CABIN1: variants seen among roughly 807,000 people sequenced by gnomAD.
The protein encoded by CABIN1 is calcineurin binding protein 1.
Under a neutral mutation model 227.7 loss-of-function variants are expected in CABIN1, and 133 were observed. The observed-to-expected ratio is 0.58, with a 90% CI of 0.51 to 0.67. CABIN1 has a LOEUF of 0.67. Among genes scored for constraint, CABIN1 ranks in the 30% least tolerant of loss-of-function variants. The pLI is 0.00. For missense variants in CABIN1, 2,408 were observed against 2,852.5 expected (o/e 0.84, Z 3.55); for synonymous variants, 1,086 against 1,155.1 (o/e 0.94, Z 1.21).
chr22:24,084,830 A>G, intron 21 of CABIN1, 45 bp downstream of exon 21: 2 of 1,593,878 alleles, frequency 1.3e-6, no homozygotes, highest in Non-Finnish European at 8.6e-7. Context: ...GCTGGGTCAC[A>G]CTCTTCCGCT....
intron 7 of CABIN1, 56 bp from the exon 8 acceptor site, chr22:24,050,769 C>T (rs995863128): frequency 6.8e-6 from 11 of 1,605,872 alleles, no homozygotes; most frequent in Middle Eastern, 1.7e-4. Flanking sequence ...TGTAAAATTT[C>T]AGCCTCAGTT....
intron 29 of CABIN1, chr22:24,155,879 G>A (rs1454239630): frequency 1.1e-5 from 5 of 436,298 alleles, no homozygotes; most frequent in Non-Finnish European, 2.0e-5. Context: ...CCAGCGGCCA[G>A]TCCAGGGAAC....
intron 1 of CABIN1, among the ~76,000 whole-genome samples, chr22:24,015,949 C>T (rs548097028): frequency 4.6e-5 from 7 of 152,252 alleles, no homozygotes; most frequent in South Asian, 2.1e-4. Flanking sequence ...CAGGGCGAGA[C>T]CCGGTCTCAA....
intron 29 of CABIN1, among the ~76,000 whole-genome samples, chr22:24,148,165 G>T (rs2148437814): frequency 6.6e-6 from 1 of 152,262 alleles, no homozygotes; most frequent in South Asian, 2.1e-4. Flanking sequence ...AGCACTGGGT[G>T]CTCACTCCAC....
At chr22:24,077,765 C>G (rs2040541212) in intron 19 of CABIN1, among the ~76,000 whole-genome samples, 1 of 152,160 alleles carries the variant, frequency 6.6e-6, no homozygotes, top group Non-Finnish European at 1.5e-5. Flanking sequence ...CCTCCTTATG[C>G]TGATTGGGAA....
intron 1 of CABIN1, among the ~76,000 whole-genome samples, chr22:24,026,909 A>C (rs2036134169): frequency 1.3e-5 from 2 of 152,230 alleles, no homozygotes. Context: ...CTTATCTATA[A>C]TTACAAACAG....
At chr22:24,029,692 A>G (rs1294602726) in intron 1 of CABIN1, among the ~76,000 whole-genome samples, 1 of 152,242 alleles carries the variant, frequency 6.6e-6, no homozygotes, top group Non-Finnish European at 1.5e-5. Context: ...TAGCTGAGGA[A>G]GAGTGGTAAT....
chr22:24,114,535 A>G (rs999110924), intron 27 of CABIN1, among the ~76,000 whole-genome samples: 2 of 152,242 alleles, frequency 1.3e-5, no homozygotes, highest in African/African-American at 4.8e-5. Context: ...TTCCCATTTT[A>G]TAGCTGAAGA....
At position 24,035,357 on chromosome 22, in the gene CABIN1, G is replaced by A. The variant is rs1239927918; in HGVS notation, c.-74-87G>A. Reference sequence around the variant, plus strand: ...CTGGCCTGTCTGCATAGAGCTCAGGGAAGGACTGGTTCCTGGTGGACCTTG... The same window carrying A: ...CTGGCCTGTCTGCATAGAGCTCAGGAAAGGACTGGTTCCTGGTGGACCTTG... On this transcript the variant is annotated intron_variant, in intron 1 of 36. Coordinates refer to ENST00000263119, the MANE Select transcript of CABIN1 (RefSeq NM_012295.4). 38 of 879,212 alleles carry A rather than the reference G, an allele frequency of 4.3e-5. No homozygotes were observed. The Admixed American group carries it at 7.0e-4, about 16-fold the overall frequency. The allele number at this position is 879,212 out of a possible 1,614,324, so 54.5% of individuals were successfully genotyped here.
At chr22:24,068,450 A>G (rs911684249) in intron 16 of CABIN1, among the ~76,000 whole-genome samples, 4 of 152,192 alleles carry the variant, frequency 2.6e-5, no homozygotes, top group African/African-American at 9.6e-5. Context: ...TCTTGCTCTT[A>G]TTGTCTTCTA....
rs370353524 is a variant in CABIN1 at position 24,070,827 on chromosome 22, C to T, written c.2260C>T (p.Arg754Trp). 8 of 1,614,080 alleles carry T rather than the reference C, an allele frequency of 5.0e-6. No homozygotes were observed. Among genetic ancestry groups the T allele is most frequent in the Admixed American group, 3.3e-5 (2 of 60,006 alleles). The change falls in exon 17 of 37, where the codon CGG becomes TGG. Residue 754 changes from arginine to tryptophan, a missense_variant. Arg to Trp is a moderately radical substitution (Grantham distance 101). Transcript: ENST00000263119. ...QDSLLRLKDY[R>W]QCFECSDVAL... ...CTCCTTGCTCCGGCTGAAGGACTAT[C>T]GGCAGTGTTTTGAGTGTTCCGATGT...
At chr22:24,156,751 G>A (rs1043440178) in intron 29 of CABIN1, among the ~76,000 whole-genome samples, 1 of 152,186 alleles carries the variant, frequency 6.6e-6, no homozygotes, top group African/African-American at 2.4e-5. Context: ...TGAGGTTAGG[G>A]GTAACGGTTG....
At chr22:24,078,300 G>T (rs1420397988) in intron 19 of CABIN1, among the ~76,000 whole-genome samples, 1 of 152,094 alleles carries the variant, frequency 6.6e-6, no homozygotes, top group Non-Finnish European at 1.5e-5. Flanking sequence ...CTGCCCAGTT[G>T]TATTTCTTGA....
intron 29 of CABIN1, among the ~76,000 whole-genome samples, chr22:24,141,647 T>G (rs1240493668): frequency 2.0e-5 from 3 of 152,014 alleles, no homozygotes; most frequent in Non-Finnish European, 4.4e-5. Context: ...GGCCTATCTG[T>G]GGAGTGTGCC....
chr22:24,060,951 A>G (rs1341872908), intron 12 of CABIN1, among the ~76,000 whole-genome samples: 1 of 152,076 alleles, frequency 6.6e-6, no homozygotes, highest in East Asian at 1.9e-4. Context: ...TCCTTTTGTT[A>G]CGATGTTAGG....
At chr22:24,036,348 G>T (rs900635230) in intron 3 of CABIN1, among the ~76,000 whole-genome samples, 167 bp downstream of exon 3, 22 of 152,124 alleles carry the variant, frequency 1.4e-4, no homozygotes, top group Admixed American at 9.8e-4. Flanking sequence ...CTTAGCAGAC[G>T]ATCATATAGA....
At chr22:24,091,948 G>T in intron 24 of CABIN1, 105 bp downstream of exon 24, 2 of 1,401,870 alleles carry the variant, frequency 1.4e-6, no homozygotes, top group Non-Finnish European at 9.9e-7. Flanking sequence ...CCTTCAACCT[G>T]CCGCAAACTT....
At chr22:24,144,954 C>A (rs896875053) in intron 29 of CABIN1, among the ~76,000 whole-genome samples, 7 of 152,272 alleles carry the variant, frequency 4.6e-5, no homozygotes, top group Non-Finnish European at 1.0e-4. Context: ...CAGGCCCCAT[C>A]ACCTAAGTGA....
chr22:24,040,417 G>A (rs532955921), intron 4 of CABIN1, among the ~76,000 whole-genome samples: 39 of 152,330 alleles, frequency 2.6e-4, no homozygotes, highest in African/African-American at 8.7e-4. Context: ...CCAGGAAAGA[G>A]CTTCTTGGTG....
Sources: allele counts gnomAD v4.1 joint callset (sites outside exome capture counted in the v4.1 genomes callset), GRCh38; gene constraint gnomAD v4.1.1; transcripts MANE v1.5; gene names NCBI Gene and HGNC (gene_info 2026-07-23, HGNC 2026-07-21).